Variants in GOLGB1 observed in about 807,000 individuals in gnomAD.
The protein encoded by GOLGB1 is golgin subfamily B member 1.
A neutral mutation model predicts 336.9 loss-of-function variants in GOLGB1; 174 were observed. The observed-to-expected ratio is 0.52, with a 90% CI of 0.46 to 0.59. The LOEUF (loss-of-function observed/expected upper bound fraction) is 0.59, where lower values mean the gene tolerates loss of function less well. GOLGB1 is among the 20% of genes least tolerant of loss of function. The probability of loss-of-function intolerance (pLI) is 0.00; values close to 1 mark genes in which losing one functional copy is unlikely to be tolerated. For synonymous variants in GOLGB1, 1,208 were observed against 1,289.2 expected, an observed-to-expected ratio of 0.94 and a Z score of 1.35; for missense variants, 3,331 against 3,645.3, an observed-to-expected ratio of 0.91 and a Z score of 2.22.
intron 1 of GOLGB1, among the ~76,000 whole-genome samples, chr3:121,737,433 A>G (rs1946551316): frequency 6.6e-6 from 1 of 152,166 alleles, no homozygotes; most frequent in African/African-American, 2.4e-5. Context: ...CGGGTGGATC[A>G]CGAGGTCAGG....
intron 10 of GOLGB1, among the ~76,000 whole-genome samples, 197 bp downstream of exon 10, chr3:121,714,664 T>C (rs1272491039): frequency 1.3e-5 from 2 of 152,220 alleles, no homozygotes; most frequent in African/African-American, 2.4e-5. Flanking sequence ...TATTTTCTCA[T>C]TCTTTATTGT....
intron 1 of GOLGB1, among the ~76,000 whole-genome samples, chr3:121,737,548 G>A (rs1300416106): frequency 1.3e-5 from 2 of 151,924 alleles, no homozygotes; most frequent in Admixed American, 6.5e-5. Context: ...CTACTCAGGA[G>A]GCTGAGGCAG....
intron 14 of GOLGB1, among the ~76,000 whole-genome samples, chr3:121,688,342 C>T (rs1166952834): frequency 7.2e-5 from 11 of 152,260 alleles, no homozygotes; most frequent in African/African-American, 2.7e-4. Context: ...CGCGCCGCCA[C>T]GCCTGACTGG....
chr3:121,672,416 T>A (rs951466773), intron 17 of GOLGB1, among the ~76,000 whole-genome samples: 1 of 152,222 alleles, frequency 6.6e-6, no homozygotes, highest in Admixed American at 6.5e-5. Flanking sequence ...CTGTTGGCCA[T>A]TTGTATGTCT....
At chr3:121,683,052 A>AT (rs1491279532) in intron 14 of GOLGB1, among the ~76,000 whole-genome samples, 5 of 81,202 alleles carry the variant, frequency 6.2e-5, no homozygotes, top group African/African-American at 2.0e-4. Flanking sequence ...AATTTCTTTT[A>AT]ATTTTTTTTT....
intron 18 of GOLGB1, 91 bp downstream of exon 18, chr3:121,669,121 A>G: frequency 7.8e-7 from 1 of 1,281,198 alleles, no homozygotes; most frequent in Non-Finnish European, 1.1e-6. Flanking sequence ...CCCTAATTAC[A>G]TTAACTTCTT....
At chr3:121,744,186 T>C (rs1273544411) in intron 1 of GOLGB1, among the ~76,000 whole-genome samples, 2 of 152,154 alleles carry the variant, frequency 1.3e-5, no homozygotes, top group Non-Finnish European at 2.9e-5. Context: ...GCAAAGTGAC[T>C]GTACCACTTT....
rs1223308389 is a variant in GOLGB1 at position 121,694,978 on chromosome 3, G to A, written c.5545C>T (p.Gln1849Ter). 1 of 1,613,888 alleles carries A rather than the reference G, an allele frequency of 6.2e-7. No individual in the cohort carries two copies. ...EINNYLQQID[Q>*]LKERIAGLEE... ...AATCCAGCAATTCTTTCTTTGAGCT[G>A]ATCAATCTGCTGTAGGTAGTTATTA... The change falls in exon 13 of 22, where the codon CAG becomes TAG. Residue 1849 changes from glutamine to a stop codon, truncating the protein, a stop_gained. Transcript: ENST00000614479. LOFTEE classifies it high-confidence loss of function.
At chr3:121,689,641 GATCA>G (rs1214202185) in intron 14 of GOLGB1, among the ~76,000 whole-genome samples, 10 of 133,220 alleles carry the variant, frequency 7.5e-5, no homozygotes, top group African/African-American at 2.8e-4. Context: ...ACCCAAGAAT[GATCA>G]ATTAAAAAAA....
rs946773169 is a variant in GOLGB1 at position 121,695,168 on chromosome 3, A to G, written c.5355T>C (p.Asp1785=). ...CCTCTTCAGTGACATTCGTTTGGTT[A>G]TCATGTTTCTCGGTGGCCTCTAGGT... The part of the protein sequence containing the change: ...QANLEATEKH[D]NQTNVTEEGT... The change falls in exon 13 of 22, where the codon GAT becomes GAC. Residue 1785 remains aspartate, a synonymous_variant. Coordinates refer to ENST00000614479, the MANE Select transcript of GOLGB1 (RefSeq NM_001366282.2). 1.2e-6 allele frequency: 2 copies of G among 1,613,442 alleles called. No individual in the cohort carries two copies. Among genetic ancestry groups the G allele is most frequent in the Admixed American group, 1.7e-5 (1 of 59,950 alleles).
chr3:121,679,564 A>C (rs1381942649), intron 15 of GOLGB1, among the ~76,000 whole-genome samples: 1 of 152,194 alleles, frequency 6.6e-6, no homozygotes, highest in Non-Finnish European at 1.5e-5. Context: ...AGCTAGACAG[A>C]GCCATTAATG....
intron 15 of GOLGB1, among the ~76,000 whole-genome samples, chr3:121,679,074 A>T (rs1317065644): frequency 6.6e-6 from 1 of 152,212 alleles, no homozygotes; most frequent in Admixed American, 6.5e-5. Context: ...CTTAAAAAGA[A>T]AAGAGCTAGG....
In GOLGB1 at chr3:121,695,359, G is replaced by A; in HGVS notation, c.5164C>T (p.Leu1722Phe). The A allele has an allele frequency of 1.2e-6, 2 of 1,613,950 alleles. No individual in the cohort carries two copies. Among genetic ancestry groups the A allele is most frequent in the Non-Finnish European group, 1.7e-6 (2 of 1,179,916 alleles). ...TTCATGCTGGCATTGGAAGAAAGAA[G>A]TGTTTCCATACACTCTTTAGCTGTA... ...GDTAKECMET[L>F]LSSNASMKEE... The change falls in exon 13 of 22, where the codon CTT (leucine) becomes TTT (phenylalanine). Residue 1722 changes from leucine to phenylalanine, a missense_variant. By Grantham distance (22) the Leu-to-Phe change is conservative. Coordinates refer to ENST00000614479, the MANE Select transcript of GOLGB1 (RefSeq NM_001366282.2).
intron 17 of GOLGB1, among the ~76,000 whole-genome samples, chr3:121,674,460 G>C (rs974439307): frequency 6.6e-6 from 1 of 152,092 alleles, no homozygotes; most frequent in African/African-American, 2.4e-5. Context: ...TATATAAATA[G>C]TTGTTATACT....
chr3:121,685,869 C>T (rs1941671856), intron 14 of GOLGB1, among the ~76,000 whole-genome samples: 1 of 152,036 alleles, frequency 6.6e-6, no homozygotes, highest in Admixed American at 6.5e-5. Flanking sequence ...TAACCCAAAC[C>T]CCAAAACATA....
chr3:121,694,226 G>A lies in GOLGB1; in HGVS notation c.6297C>T (p.Val2099=), dbSNP rs747406950. 2 of 1,611,240 alleles carry A rather than the reference G, an allele frequency of 1.2e-6. No homozygotes were observed. The highest frequency in any genetic ancestry group is 1.7e-6 in the Non-Finnish European group (2 of 1,179,984). ...LDDTQSEAAR[V]LADNLKLKKE... The stretch of plus-strand genomic sequence containing the variant: ...TTTTCAACTTGAGATTGTCTGCTAG[G>A]ACCCTTGCTGCTTCACTTTGAGTGT... The change falls in exon 13 of 22, where the codon GTC becomes GTT. Residue 2099 remains valine (V), a synonymous_variant. Transcript: ENST00000614479.
intron 4 of GOLGB1, among the ~76,000 whole-genome samples, chr3:121,727,321 T>TATATATATATATATATATA (rs1491103201): frequency 3.4e-5 from 1 of 29,032 alleles, no homozygotes; most frequent in African/African-American, 1.4e-4. Flanking sequence ...TATATATATA[T>TATATATATATATATATATA]TTTTTTTTTT....
chr3:121,665,371 C>A (rs543505105), intron 20 of GOLGB1, among the ~76,000 whole-genome samples: 2 of 151,948 alleles, frequency 1.3e-5, no homozygotes, highest in Non-Finnish European at 2.9e-5. Flanking sequence ...TTGCCCATGG[C>A]GGCACAGCCA....
intron 1 of GOLGB1, among the ~76,000 whole-genome samples, chr3:121,741,414 GC>G (rs1385924025): frequency 1.3e-5 from 2 of 152,106 alleles, no homozygotes; most frequent in African/African-American, 4.8e-5. Context: ...AATAGCATAT[GC>G]AAAAAATAAA....
Sources: gnomAD v4.1 joint callset for allele counts (sites outside exome capture counted in the v4.1 genomes callset) on GRCh38, gnomAD v4.1.1 for gene constraint, MANE v1.5 for transcripts, NCBI Gene and HGNC (gene_info 2026-07-23, HGNC 2026-07-21) for gene names.